The following NCOA6 variants were observed in gnomAD, a reference collection of about 807,000 sequenced individuals.
NCOA6 encodes nuclear receptor coactivator 6.
In NCOA6, 49 loss-of-function variants were observed where a neutral mutation model predicts 171.4. The ratio of observed to expected loss-of-function variants is 0.29; its 90% confidence interval spans 0.23 to 0.36. The LOEUF (loss-of-function observed/expected upper bound fraction) is 0.36. Ranked by LOEUF, NCOA6 falls within the 10% of genes least tolerant of loss-of-function variation. NCOA6 has a pLI of 1.00. For missense variants in NCOA6, 2,248 were observed against 2,554.5 expected (o/e 0.88, Z 2.59); for synonymous variants, 910 against 927.5 (o/e 0.98, Z 0.34).
intron 1 of NCOA6, among the ~76,000 whole-genome samples, chr20:34,811,566 TTTC>T (rs1049931355): frequency 6.6e-6 from 1 of 152,182 alleles, no homozygotes; most frequent in Non-Finnish European, 1.5e-5. Flanking sequence ...AACAGAAGTC[TTTC>T]TTAATTTCTA....
intron 1 of NCOA6, among the ~76,000 whole-genome samples, chr20:34,799,615 A>T (rs1015948998): frequency 7.2e-5 from 11 of 152,200 alleles, no homozygotes; most frequent in African/African-American, 2.2e-4. Context: ...TAACAATTTT[A>T]AAAAATACAA....
chr20:34,809,103 T>A (rs2078565411), intron 1 of NCOA6, among the ~76,000 whole-genome samples: 1 of 152,212 alleles, frequency 6.6e-6, no homozygotes. Flanking sequence ...TTTGGATTTA[T>A]CCATGCCTCC....
At chr20:34,825,097 C>T (rs1470668146) in intron 1 of NCOA6, among the ~76,000 whole-genome samples, 1 of 152,086 alleles carries the variant, frequency 6.6e-6, no homozygotes, top group East Asian at 1.9e-4. Flanking sequence ...CGACCCTGAC[C>T]ACGACCCCAC....
At chr20:34,747,316 T>C (rs576094505) in intron 9 of NCOA6, among the ~76,000 whole-genome samples, 3 of 152,290 alleles carry the variant, frequency 2.0e-5, no homozygotes, top group African/African-American at 4.8e-5. Context: ...GGGGGTCTGA[T>C]TGTTTCTTTT....
Position 34,750,075 on chromosome 20 carries a change from A to G in NCOA6, c.2120T>C (p.Leu707Pro). The G allele has an allele frequency of 1.2e-6, 2 of 1,614,110 alleles. No individual in the cohort carries two copies. The highest frequency in any genetic ancestry group is 1.7e-6 in the Non-Finnish European group (2 of 1,180,028). ...QMMGPQGQVL[L>P]QQNPMIEQIM... ...CTGCTCTATCATTGGGTTCTGTTGGAGCAAAACCTGCCCCTGAGGCCCCAT... is the reference window on the plus strand; with the variant it reads ...CTGCTCTATCATTGGGTTCTGTTGGGGCAAAACCTGCCCCTGAGGCCCCAT... Residue 707 changes from leucine to proline, a missense_variant, in exon 9 of 15, where the codon CTC (leucine) becomes CCC (proline). By Grantham distance (98) the Leu-to-Pro change is moderately conservative. Transcript: ENST00000359003.
intron 14 of NCOA6, among the ~76,000 whole-genome samples, chr20:34,718,116 A>G (rs1177263490): frequency 6.6e-6 from 1 of 152,200 alleles, no homozygotes; most frequent in Non-Finnish European, 1.5e-5. Flanking sequence ...AAAAAAACCC[A>G]CAAACACACC....
chr20:34,754,343 C>T (rs1209032896), intron 8 of NCOA6, among the ~76,000 whole-genome samples: 1 of 152,160 alleles, frequency 6.6e-6, no homozygotes, highest in Non-Finnish European at 1.5e-5. Context: ...GTTTGGAATG[C>T]TACCATGCTT....
At chr20:34,777,444 G>A (rs994591459) in intron 3 of NCOA6, among the ~76,000 whole-genome samples, 5 of 151,772 alleles carry the variant, frequency 3.3e-5, no homozygotes, top group Admixed American at 6.6e-5. Flanking sequence ...GCAAAACCCC[G>A]TCTCTACTAA....
Position 34,757,818 on chromosome 20 carries a change from A to G in NCOA6, c.930T>C (p.Thr310=), listed in dbSNP as rs2076688564. The G allele has an allele frequency of 1.9e-6, 3 of 1,614,052 alleles. No homozygotes were observed. Among genetic ancestry groups the G allele is most frequent in the South Asian group, 2.2e-5 (2 of 91,080 alleles). ...TCCAGCCTGGAGGAACAGGCACCTG[A>G]GTTGGGGCAGTAAACTGGGGTCGAA... ...QGIRPQFTAP[T]QVPVPPGWNQ... is the part of the protein sequence containing the mutation. The change falls in exon 7 of 15, where the codon ACT becomes ACC. Residue 310 remains threonine (T), a synonymous_variant. Coordinates refer to ENST00000359003, the MANE Select transcript of NCOA6 (RefSeq NM_014071.5).
At chr20:34,798,200 G>A (rs2078144114) in intron 1 of NCOA6, among the ~76,000 whole-genome samples, 1 of 152,136 alleles carries the variant, frequency 6.6e-6, no homozygotes, top group Admixed American at 6.5e-5. Flanking sequence ...ACAGGTCTGG[G>A]GTGGTGGCGG....
chr20:34,728,814 G>A lies in NCOA6; in HGVS notation c.6000-1407C>T, dbSNP rs144847400. Among the ~76,000 whole-genome samples the A allele has an allele frequency of 7.2e-4, 109 of 152,208 alleles. 1 individual carries two copies. The highest frequency in any genetic ancestry group is 2.4e-3 in the African/African-American group (100 of 41,534). On this transcript the variant is annotated intron_variant, in intron 13 of 14. Transcript: ENST00000359003. ...GTTGTAGATTATTTAATGACAAAAC[G>A]ATTTATGACACATTACCAAGTGGGA... is the stretch of plus-strand genomic sequence containing the variant.
At chr20:34,735,634 C>T (rs1397866633) in intron 12 of NCOA6, among the ~76,000 whole-genome samples, 1 of 149,938 alleles carries the variant, frequency 6.7e-6, no homozygotes, top group African/African-American at 2.5e-5. Flanking sequence ...ACAAAGCAAA[C>T]TCCATCTCAA....
At chr20:34,816,283 G>T (rs1465868714) in intron 1 of NCOA6, among the ~76,000 whole-genome samples, 1 of 152,110 alleles carries the variant, frequency 6.6e-6, no homozygotes. Context: ...TGCCAAATAT[G>T]TTAGTCTTAA....
At chr20:34,758,692 G>A (rs2076725448) in intron 6 of NCOA6, 113 bp downstream of exon 6, 1 of 1,357,536 alleles carries the variant, frequency 7.4e-7, no homozygotes, top group Non-Finnish European at 1.0e-6. Flanking sequence ...TGTAAAGAAG[G>A]TTGACATTGT....
intron 8 of NCOA6, among the ~76,000 whole-genome samples, chr20:34,751,495 T>C (rs1174023115): frequency 2.0e-5 from 3 of 151,756 alleles, no homozygotes; most frequent in African/African-American, 4.8e-5. Flanking sequence ...TCAAAAGCTA[T>C]GTGTGTGATA....
intron 1 of NCOA6, among the ~76,000 whole-genome samples, chr20:34,804,214 G>T (rs2078363722): frequency 6.6e-6 from 1 of 151,584 alleles, no homozygotes; most frequent in Non-Finnish European, 1.5e-5. Flanking sequence ...ACAGGTGCCT[G>T]TAGTCCCAGC....
intron 14 of NCOA6, among the ~76,000 whole-genome samples, chr20:34,725,673 G>T (rs1423007696): frequency 6.6e-6 from 1 of 151,412 alleles, no homozygotes; most frequent in Admixed American, 6.6e-5. Flanking sequence ...AGATAAAATG[G>T]GCAGTTTTTT....
In NCOA6 at chr20:34,762,537, G is replaced by C. The variant is rs116995666; in HGVS notation, c.515-3604C>G. On this transcript the variant is annotated intron_variant, in intron 5 of 14. Coordinates refer to ENST00000359003, the MANE Select transcript of NCOA6 (RefSeq NM_014071.5). ...TACTGGATTAATTTTTTTTCATCAT[G>C]GTCATCCTCTTTAATCCTCCACTAC... 1.5e-3 allele frequency among the ~76,000 whole-genome samples: 220 copies of C among 150,552 alleles called. 1 individual carries two copies. Among genetic ancestry groups the C allele is most frequent in the Admixed American group, 2.2e-3 (34 of 15,164 alleles).
chr20:34,776,639 G>T (rs1044179469), intron 3 of NCOA6, 191 bp from the exon 4 acceptor site: 45 of 710,010 alleles, frequency 6.3e-5, no homozygotes, highest in Non-Finnish European at 1.1e-4. Flanking sequence ...GGGTGACCAT[G>T]AACGAGCTAT....
Sources: gnomAD v4.1 joint callset for allele counts (sites outside exome capture counted in the v4.1 genomes callset) on GRCh38, gnomAD v4.1.1 for gene constraint, MANE v1.5 for transcripts, NCBI Gene and HGNC (gene_info 2026-07-23, HGNC 2026-07-21) for gene names.